ZBTB20: variants seen among roughly 807,000 people sequenced by gnomAD.
The protein encoded by ZBTB20 is zinc finger and BTB domain containing 20.
In ZBTB20, 9 loss-of-function variants were observed where a neutral mutation model predicts 56.9. That is an observed-to-expected ratio of 0.16 (90% CI 0.10 to 0.28). The LOEUF (loss-of-function observed/expected upper bound fraction) is 0.28. Among genes scored for constraint, ZBTB20 ranks in the 10% least tolerant of loss-of-function variants. ZBTB20 has a pLI of 1.00. For synonymous variants in ZBTB20, 417 were observed against 420.7 expected (o/e 0.99, Z 0.11); for missense variants, 655 against 1,003.0 (o/e 0.65, Z 4.69).
intron 4 of ZBTB20, among the ~76,000 whole-genome samples, chr3:114,852,476 C>G (rs938573538): frequency 3.9e-5 from 6 of 151,902 alleles, no homozygotes; most frequent in African/African-American, 1.5e-4. Context: ...GCTGGCCAGG[C>G]TGGTCTCAAA....
chr3:114,339,553 C>T lies in ZBTB20; in HGVS notation c.1805-127G>A. ...ACAATTAAAAAATAAAATTTGATTG[C>T]TTAATGGATCATCCTCGTTTGGAAA... On this transcript the variant is annotated intron_variant, in intron 11 of 11. Transcript: ENST00000675478. This position sits in a 1 kb window ranked among gnomAD's most constrained non-coding sequence, Gnocchi z 4.2. The T allele has an allele frequency of 4.4e-6, 5 of 1,146,194 alleles. No individual in the cohort carries two copies. Among genetic ancestry groups the T allele is most frequent in the Non-Finnish European group, 6.0e-6 (5 of 837,604 alleles). The allele number at this position is 1,146,194 out of a possible 1,614,324, so 71.0% of individuals were successfully genotyped here.
intron 2 of ZBTB20, among the ~76,000 whole-genome samples, chr3:115,052,350 G>A (rs1035388581): frequency 2.0e-5 from 3 of 151,806 alleles, no homozygotes; most frequent in African/African-American, 7.3e-5. Context: ...CCAGCTACTC[G>A]GGAGGCTGAG....
chr3:114,907,169 G>A (rs1295476755), intron 3 of ZBTB20, among the ~76,000 whole-genome samples: 2 of 151,020 alleles, frequency 1.3e-5, no homozygotes, highest in Non-Finnish European at 3.0e-5. Flanking sequence ...AGTATAAAAG[G>A]CAAATGTGTT....
chr3:114,761,148 C>T (rs1223513377), intron 5 of ZBTB20, among the ~76,000 whole-genome samples: 1 of 152,076 alleles, frequency 6.6e-6, no homozygotes, highest in Non-Finnish European at 1.5e-5. Flanking sequence ...AACATCTAGC[C>T]ATTTAAAGAA....
intron 4 of ZBTB20, among the ~76,000 whole-genome samples, chr3:114,888,688 G>T (rs1311245594): frequency 2.0e-5 from 3 of 152,040 alleles, no homozygotes. Context: ...ACTTGGCAAA[G>T]ACCCTAATAA....
intron 4 of ZBTB20, among the ~76,000 whole-genome samples, chr3:114,803,088 C>T (rs546723525): frequency 1.5e-3 from 226 of 151,084 alleles, no homozygotes; most frequent in Middle Eastern, 6.8e-3. Flanking sequence ...TCTATTTCTG[C>T]TTGTTTCTTC....
intron 2 of ZBTB20, among the ~76,000 whole-genome samples, chr3:115,011,243 GAATA>G (rs1401026891): frequency 6.6e-6 from 1 of 151,846 alleles, no homozygotes; most frequent in Non-Finnish European, 1.5e-5. Flanking sequence ...TTATCCGAAG[GAATA>G]ATAACAGAGA....
intron 6 of ZBTB20, among the ~76,000 whole-genome samples, chr3:114,607,786 T>C (rs1271485187): frequency 2.0e-5 from 3 of 152,170 alleles, no homozygotes; most frequent in East Asian, 3.8e-4. Context: ...GTTTTACAAA[T>C]AGGGAACACT....
chr3:114,419,964 A>G (rs1307638020), intron 7 of ZBTB20, among the ~76,000 whole-genome samples: 1 of 152,160 alleles, frequency 6.6e-6, no homozygotes, highest in Non-Finnish European at 1.5e-5. Context: ...TCTCTGAGTT[A>G]GTGACAGTTT....
chr3:114,514,303 T>C (rs765352604), intron 6 of ZBTB20, among the ~76,000 whole-genome samples: 10 of 152,228 alleles, frequency 6.6e-5, no homozygotes, highest in East Asian at 1.9e-4. Flanking sequence ...GGAATTCTCA[T>C]AGGGTTTAGG....
At chr3:114,542,450 C>G (rs1049383923) in intron 6 of ZBTB20, among the ~76,000 whole-genome samples, 2 of 152,054 alleles carry the variant, frequency 1.3e-5, no homozygotes, top group Non-Finnish European at 2.9e-5. Context: ...CTGTTGTGGA[C>G]GGTGCAGAGC....
At chr3:114,389,814 G>A (rs1231634839) in intron 7 of ZBTB20, among the ~76,000 whole-genome samples, 14 of 150,674 alleles carry the variant, frequency 9.3e-5, no homozygotes, top group Admixed American at 2.6e-4. Flanking sequence ...GCTTGAACCC[G>A]GGAGGCGGAG....
intron 10 of ZBTB20, among the ~76,000 whole-genome samples, chr3:114,355,334 G>A (rs1201077968): frequency 6.6e-6 from 1 of 151,916 alleles, no homozygotes; most frequent in Non-Finnish European, 1.5e-5. Flanking sequence ...ACCTAAACCT[G>A]CACACGTACA....
chr3:114,500,303 T>G (rs1041624168), intron 7 of ZBTB20, 49 bp downstream of exon 7: 4 of 151,732 alleles, frequency 2.6e-5, no homozygotes, highest in African/African-American at 9.7e-5. Flanking sequence ...CACAATTTCC[T>G]AAATCTGACA....
chr3:114,924,355 A>G (rs1030021913), intron 3 of ZBTB20, among the ~76,000 whole-genome samples: 2 of 152,244 alleles, frequency 1.3e-5, no homozygotes, highest in Non-Finnish European at 2.9e-5. Context: ...AATGTGGTAC[A>G]TATACACAAT....
intron 2 of ZBTB20, among the ~76,000 whole-genome samples, chr3:115,047,216 T>A (rs1477803717): frequency 6.6e-6 from 1 of 152,348 alleles, no homozygotes; most frequent in Non-Finnish European, 1.5e-5. Context: ...GTAGTTTTGA[T>A]CTTTTCACCT....
chr3:114,634,721 T>G (rs1357363064), intron 6 of ZBTB20, among the ~76,000 whole-genome samples: 1 of 152,130 alleles, frequency 6.6e-6, no homozygotes, highest in African/African-American at 2.4e-5. Context: ...TATCAGTACT[T>G]CCCCCAGACT....
intron 1 of ZBTB20, among the ~76,000 whole-genome samples, chr3:115,095,088 C>T (rs1177358121): frequency 6.6e-6 from 1 of 152,020 alleles, no homozygotes; most frequent in Non-Finnish European, 1.5e-5. Context: ...CAGAAGTATT[C>T]AGTGACAAAA....
chr3:114,441,312 T>G (rs2090906489), intron 7 of ZBTB20, among the ~76,000 whole-genome samples: 1 of 152,170 alleles, frequency 6.6e-6, no homozygotes, highest in African/African-American at 2.4e-5. Context: ...TGCTGACAAA[T>G]TAGTTATTCA....
Sources: gnomAD v4.1 joint callset for allele counts (sites outside exome capture counted in the v4.1 genomes callset) on GRCh38, gnomAD v4.1.1 for gene constraint, Gnocchi (gnomAD v3.1) non-coding constraint, MANE v1.5 for transcripts, NCBI Gene and HGNC (gene_info 2026-07-23, HGNC 2026-07-21) for gene names.